The following CPED1 variants were observed in gnomAD, a reference collection of about 807,000 sequenced individuals.
CPED1 encodes the protein cadherin-like and PC-esterase domain-containing protein 1.
CPED1 carries 114 observed loss-of-function variants against 128.2 expected under a neutral mutation model. That is an observed-to-expected ratio of 0.89 (90% CI 0.76 to 1.04). The LOEUF (loss-of-function observed/expected upper bound fraction) is 1.04, where lower values mean the gene tolerates loss of function less well. CPED1 is among the 50% of genes least tolerant of loss of function. The pLI is 0.00. For missense variants in CPED1, 1,211 were observed against 1,207.1 expected, an observed-to-expected ratio of 1.00 and a Z score of -0.05; for synonymous variants, 462 against 426.7, an observed-to-expected ratio of 1.08 and a Z score of -1.02.
At chr7:121,035,660 C>G in intron 3 of CPED1, among the ~76,000 whole-genome samples, 1 of 151,674 alleles carries the variant, frequency 6.6e-6, no homozygotes, top group East Asian at 1.9e-4. Flanking sequence ...AGAGTGAGAC[C>G]CCTGTCTCTA....
chr7:121,016,398 C>T lies in CPED1; in HGVS notation c.433+550C>T, dbSNP rs963327169. 3.5e-4 allele frequency among the ~76,000 whole-genome samples: 54 copies of T among 152,264 alleles called. 2 individuals carry two copies. The highest frequency in any genetic ancestry group is 1.2e-3 in the African/African-American group (51 of 41,544). ...AGAAAGTTGAGTAAATAATGAGAGT[C>T]AAAAGGGCAATAACAATAAGACCTA... On this transcript the variant is annotated intron_variant, in intron 3 of 22. Coordinates refer to ENST00000310396, the MANE Select transcript of CPED1 (RefSeq NM_024913.5).
intron 11 of CPED1, 120 bp from the exon 12 acceptor site, chr7:121,130,005 C>A: frequency 1.2e-6 from 1 of 854,172 alleles, no homozygotes; most frequent in Middle Eastern, 3.3e-4. Flanking sequence ...ATGGTACTGA[C>A]CAATGGATTT....
intron 16 of CPED1, among the ~76,000 whole-genome samples, chr7:121,191,949 C>T (rs574706965): frequency 4.6e-5 from 7 of 152,050 alleles, no homozygotes; most frequent in South Asian, 2.1e-4. Flanking sequence ...AAAACACTTC[C>T]TTGATGATAA....
chr7:121,083,680 A>G lies in CPED1; in HGVS notation c.617-14019A>G, dbSNP rs74885733. 13 of 152,354 alleles carry G rather than the reference A, an allele frequency of 8.5e-5. No individual in the cohort carries two copies. The East Asian group carries it at 2.3e-3, about 27-fold the overall frequency. 9.4% of individuals were successfully genotyped at this position (152,354 alleles called of 1,614,324 possible). A position where few individuals can be genotyped will look rare whatever the true frequency, so the allele number is the denominator to read the frequency against. On this transcript the variant is annotated intron_variant, in intron 5 of 22. Transcript: ENST00000310396. ...GTGTAAATCCTGTCCTGACCACTTG[A>G]TATCCCAGTGTCCTTGGGCAAGTTG...
chr7:121,020,056 AT>A (rs1401681689), intron 3 of CPED1, among the ~76,000 whole-genome samples: 2 of 151,968 alleles, frequency 1.3e-5, no homozygotes, highest in Non-Finnish European at 2.9e-5. Flanking sequence ...ATATTTGGCA[AT>A]TTTCTGTCAA....
At chr7:121,126,956 G>A in intron 9 of CPED1, 134 bp from the exon 10 acceptor site, 1 of 546,662 alleles carries the variant, frequency 1.8e-6, no homozygotes, top group Non-Finnish European at 3.0e-6. Flanking sequence ...TAAAACTGTT[G>A]ACTTCCAAAA....
chr7:121,016,273 G>C (rs1792299171), intron 3 of CPED1, among the ~76,000 whole-genome samples: 1 of 152,096 alleles, frequency 6.6e-6, no homozygotes, highest in African/African-American at 2.4e-5. Flanking sequence ...GCTCTAAATA[G>C]GAAAGAAGTA....
At chr7:121,078,990 A>G (rs558119459) in intron 5 of CPED1, among the ~76,000 whole-genome samples, 11 of 152,082 alleles carry the variant, frequency 7.2e-5, no homozygotes, top group Non-Finnish European at 1.2e-4. Flanking sequence ...ATGTTCTCAC[A>G]TGTTCTTTTC....
chr7:121,042,365 C>T (rs1242516688), intron 3 of CPED1, among the ~76,000 whole-genome samples: 1 of 152,070 alleles, frequency 6.6e-6, no homozygotes, highest in Non-Finnish European at 1.5e-5. Context: ...CTCTGAGCTT[C>T]CAAAGACAAA....
At chr7:120,990,128 A>G (rs1796286577) in intron 2 of CPED1, among the ~76,000 whole-genome samples, 1 of 152,212 alleles carries the variant, frequency 6.6e-6, no homozygotes, top group African/African-American at 2.4e-5. Flanking sequence ...GACAGTTTGG[A>G]GGAGGCATAA....
At chr7:121,082,027 C>A (rs1300334790) in intron 5 of CPED1, among the ~76,000 whole-genome samples, 1 of 152,074 alleles carries the variant, frequency 6.6e-6, no homozygotes, top group Non-Finnish European at 1.5e-5. Context: ...TGAATTTTAA[C>A]CCTAAAGGAA....
At chr7:121,069,533 C>T (rs1308530284) in intron 5 of CPED1, among the ~76,000 whole-genome samples, 1 of 152,044 alleles carries the variant, frequency 6.6e-6, no homozygotes, top group Admixed American at 6.6e-5. Context: ...GGAGATCGCA[C>T]GTAAGGCTAA....
chr7:121,251,540 G>A (rs1323173062), intron 18 of CPED1, among the ~76,000 whole-genome samples: 3 of 152,142 alleles, frequency 2.0e-5, no homozygotes, highest in South Asian at 2.1e-4. Flanking sequence ...CTGTTTGCAG[G>A]TGACATGATT....
intron 5 of CPED1, among the ~76,000 whole-genome samples, chr7:121,066,048 AT>A (rs1444349176): frequency 2.6e-5 from 4 of 152,168 alleles, no homozygotes; most frequent in Non-Finnish European, 5.9e-5. Context: ...TATTCACAAA[AT>A]TAAAATTTTA....
At chr7:121,044,273 G>A (rs1191170216) in intron 3 of CPED1, among the ~76,000 whole-genome samples, 2 of 152,134 alleles carry the variant, frequency 1.3e-5, no homozygotes, top group East Asian at 3.9e-4. Context: ...AAGTGAAAAG[G>A]TCTACTAAAT....
At chr7:121,144,651 G>C (rs1273402393) in intron 16 of CPED1, among the ~76,000 whole-genome samples, 1 of 151,936 alleles carries the variant, frequency 6.6e-6, no homozygotes, top group East Asian at 1.9e-4. Flanking sequence ...GTAATTCATG[G>C]CATATTTCAA....
chr7:121,253,602 G>A (rs1340134259), intron 18 of CPED1, among the ~76,000 whole-genome samples: 4 of 151,956 alleles, frequency 2.6e-5, no homozygotes, highest in African/African-American at 9.7e-5. Flanking sequence ...ATGTAAATGG[G>A]CTAAATGACA....
chr7:121,169,739 C>T (rs1025116526), intron 16 of CPED1, among the ~76,000 whole-genome samples: 4 of 152,168 alleles, frequency 2.6e-5, no homozygotes, highest in Non-Finnish European at 5.9e-5. Context: ...AAAGTGGCAA[C>T]TAAAGTGATT....
chr7:121,012,733 C>T (rs536431055), intron 2 of CPED1, among the ~76,000 whole-genome samples: 21 of 152,228 alleles, frequency 1.4e-4, no homozygotes, highest in African/African-American at 3.9e-4. Context: ...GATAATACAA[C>T]GTAATTCTAC....
Sources: allele counts gnomAD v4.1 joint callset (sites outside exome capture counted in the v4.1 genomes callset), GRCh38; gene constraint gnomAD v4.1.1; transcripts MANE v1.5; gene names NCBI Gene and HGNC (gene_info 2026-07-23, HGNC 2026-07-21).